SGTB: variants seen among roughly 807,000 people sequenced by gnomAD.
SGTB encodes small glutamine rich tetratricopeptide repeat co-chaperone beta.
SGTB carries 19 observed loss-of-function variants against 43.9 expected under a neutral mutation model. That is an observed-to-expected ratio of 0.43 (90% CI 0.30 to 0.63). The LOEUF (loss-of-function observed/expected upper bound fraction) is 0.63, where lower values mean the gene tolerates loss of function less well. SGTB is among the 30% of genes least tolerant of loss of function. SGTB has a pLI of 0.12. For missense variants in SGTB, 304 were observed against 358.9 expected, an observed-to-expected ratio of 0.85 and a Z score of 1.24; for synonymous variants, 116 against 117.3, an observed-to-expected ratio of 0.99 and a Z score of 0.07.
chr5:65,681,815 A>C (rs1241437694), intron 6 of SGTB, among the ~76,000 whole-genome samples: 2 of 152,028 alleles, frequency 1.3e-5, no homozygotes, highest in East Asian at 3.9e-4. Flanking sequence ...TCTCTACTAA[A>C]AATACAAAAA....
intron 2 of SGTB, among the ~76,000 whole-genome samples, chr5:65,719,666 C>T (rs1758217641): frequency 6.6e-6 from 1 of 152,118 alleles, no homozygotes; most frequent in Non-Finnish European, 1.5e-5. Context: ...TCCACAAGCC[C>T]ATCTGCAGAA....
At chr5:65,690,156 A>G (rs529094934) in intron 5 of SGTB, among the ~76,000 whole-genome samples, 2 of 152,300 alleles carry the variant, frequency 1.3e-5, no homozygotes, top group East Asian at 3.9e-4. Context: ...GCTTAAAAAG[A>G]GCCAGGTGCA....
intron 2 of SGTB, among the ~76,000 whole-genome samples, chr5:65,715,861 C>T (rs1030769982): frequency 1.3e-5 from 2 of 152,168 alleles, no homozygotes; most frequent in Non-Finnish European, 2.9e-5. Context: ...CCTGTGCCTC[C>T]CGAGTTTAAG....
In SGTB at chr5:65,668,995, A is replaced by G. The variant is rs1284247775; in HGVS notation, c.*1251T>C. ...ATTACATGTCAGCACCAATTTCATTATTAATAAACAAAAAATATACTCTAG... is the reference window on the plus strand; with the variant it reads ...ATTACATGTCAGCACCAATTTCATTGTTAATAAACAAAAAATATACTCTAG... On this transcript the variant is annotated 3_prime_UTR_variant, in exon 11 of 11. Transcript: ENST00000381007. The G allele has an allele frequency of 6.6e-6, 1 of 152,174 alleles. No homozygotes were observed. Among genetic ancestry groups the G allele is most frequent in the African/African-American group, 2.4e-5 (1 of 41,446 alleles). 9.4% of individuals were successfully genotyped at this position (152,174 alleles called of 1,614,324 possible). A position where few individuals can be genotyped will look rare whatever the true frequency, so the allele number is the denominator to read the frequency against.
At chr5:65,677,168 C>T (rs1757298384) in intron 8 of SGTB, among the ~76,000 whole-genome samples, 2 of 151,960 alleles carry the variant, frequency 1.3e-5, no homozygotes, top group African/African-American at 4.8e-5. Context: ...AAACAACCAT[C>T]AAAGAATAGT....
rs1473631583 is a variant in SGTB at position 65,704,260 on chromosome 5, C to T, written c.374+19G>A. ...AAATGTTTAAGAATTGCAAACCTGC[C>T]ACAATAGTGCTAGTTTACCTGTTGC... On this transcript the variant is annotated intron_variant, in intron 5 of 10. Transcript: ENST00000381007. The T allele has an allele frequency of 3.9e-6, 6 of 1,539,166 alleles. No individual in the cohort carries two copies. In the East Asian group the frequency reaches 1.4e-4, roughly 36 times the overall value.
chr5:65,722,229 C>G (rs924993823), upstream of SGTB: 12 of 438,798 alleles, frequency 2.7e-5, no homozygotes, highest in African/African-American at 1.3e-4. Context: ...AGCTGCCGCA[C>G]GTGGGAGGGC....
chr5:65,684,324 T>C (rs1166406872), intron 6 of SGTB, among the ~76,000 whole-genome samples: 1 of 152,042 alleles, frequency 6.6e-6, no homozygotes, highest in African/African-American at 2.4e-5. Flanking sequence ...GCTCAAGCAT[T>C]TCTCCCACCT....
intron 3 of SGTB, among the ~76,000 whole-genome samples, chr5:65,709,680 T>C (rs1758008501): frequency 6.6e-6 from 1 of 152,126 alleles, no homozygotes; most frequent in Admixed American, 6.6e-5. Context: ...CCCGGCCGTG[T>C]TTTCTTATAT....
intron 5 of SGTB, among the ~76,000 whole-genome samples, chr5:65,686,492 C>T (rs1180278690): frequency 6.6e-6 from 1 of 151,784 alleles, no homozygotes; most frequent in Non-Finnish European, 1.5e-5. Context: ...TTTTTGCTAC[C>T]TTTATTCTCT....
rs146705657 is a variant in SGTB, at chr5:65,711,385, T to C, written c.204+1576A>G. Among the ~76,000 whole-genome samples the C allele has an allele frequency of 9.3e-3, 1,421 of 151,986 alleles. 29 individuals are homozygous for C. Among genetic ancestry groups the C allele is most frequent in the African/African-American group, 0.032 (1,342 of 41,432 alleles). On this transcript the variant is annotated intron_variant, in intron 3 of 10. Coordinates refer to ENST00000381007, the MANE Select transcript of SGTB (RefSeq NM_019072.3). ...AAAAAAAAAAAAAGTAGTTCTAATA[T>C]CTTCAGTATTAAGTCAATGGTGACA...
At chr5:65,698,397 T>C (rs1757751245) in intron 5 of SGTB, among the ~76,000 whole-genome samples, 1 of 152,164 alleles carries the variant, frequency 6.6e-6, no homozygotes, top group Non-Finnish European at 1.5e-5. Context: ...AGGTAAATAC[T>C]AGTATTACCC....
chr5:65,686,193 C>T (rs746658248), intron 5 of SGTB, among the ~76,000 whole-genome samples: 4 of 152,204 alleles, frequency 2.6e-5, no homozygotes, highest in South Asian at 4.1e-4. Flanking sequence ...ACAGAAGTTT[C>T]TTGGACCAAG....
At chr5:65,695,046 T>C (rs1178888873) in intron 5 of SGTB, among the ~76,000 whole-genome samples, 1 of 147,686 alleles carries the variant, frequency 6.8e-6, no homozygotes, top group Non-Finnish European at 1.5e-5. Flanking sequence ...AAGCAAGCAT[T>C]AGATGATCAA....
chr5:65,699,524 C>T (rs894879622), intron 5 of SGTB, among the ~76,000 whole-genome samples: 25 of 152,194 alleles, frequency 1.6e-4, no homozygotes, highest in African/African-American at 6.0e-4. Flanking sequence ...CATGTACCCC[C>T]AAAGCTACTG....
At chr5:65,689,206 A>G (rs1579864696) in intron 5 of SGTB, among the ~76,000 whole-genome samples, 1 of 152,216 alleles carries the variant, frequency 6.6e-6, no homozygotes, top group African/African-American at 2.4e-5. Flanking sequence ...TACACATAAC[A>G]TTACAATATA....
upstream of SGTB, chr5:65,722,166 C>G (rs531486293): frequency 1.6e-5 from 4 of 243,448 alleles, no homozygotes; most frequent in Admixed American, 1.7e-4. Context: ...GGGCCAGACA[C>G]GCGAGCTGGG....
intron 5 of SGTB, among the ~76,000 whole-genome samples, chr5:65,702,200 A>C (rs1757838525): frequency 6.6e-6 from 1 of 152,156 alleles, no homozygotes; most frequent in African/African-American, 2.4e-5. Flanking sequence ...TCACAACAGG[A>C]AGCCACTACC....
chr5:65,698,960 G>T (rs1373976827), intron 5 of SGTB, among the ~76,000 whole-genome samples: 1 of 152,100 alleles, frequency 6.6e-6, no homozygotes, highest in African/African-American at 2.4e-5. Context: ...AACCTATATG[G>T]AAAACAGTAT....
Sources: gnomAD v4.1 joint callset for allele counts (sites outside exome capture counted in the v4.1 genomes callset) on GRCh38, gnomAD v4.1.1 for gene constraint, MANE v1.5 for transcripts, NCBI Gene and HGNC (gene_info 2026-07-23, HGNC 2026-07-21) for gene names.